The following SNTG1 variants were observed in gnomAD, a reference collection of about 807,000 sequenced individuals.
SNTG1 encodes gamma-1-syntrophin.
A neutral mutation model predicts 74.7 loss-of-function variants in SNTG1; 39 were observed. The ratio of observed to expected loss-of-function variants is 0.52; its 90% CI spans 0.40 to 0.68. The LOEUF (loss-of-function observed/expected upper bound fraction) is 0.68, where lower values mean the gene tolerates loss of function less well. Ranked by LOEUF, SNTG1 falls within the 30% of genes least tolerant of loss-of-function variation. SNTG1 has a pLI of 0.00. For synonymous variants in SNTG1, 254 were observed against 217.1 expected (o/e 1.17, Z -1.49); for missense variants, 685 against 609.5 (o/e 1.12, Z -1.30).
chr8:50,517,755 A>G (rs1424293341), intron 9 of SNTG1, among the ~76,000 whole-genome samples: 3 of 152,222 alleles, frequency 2.0e-5, no homozygotes, highest in African/African-American at 7.2e-5. Flanking sequence ...AGAAGAGCTA[A>G]CTATCCTAAA....
intron 1 of SNTG1, among the ~76,000 whole-genome samples, chr8:50,151,380 T>G (rs151019325): frequency 1.2e-4 from 19 of 152,316 alleles, no homozygotes; most frequent in African/African-American, 4.3e-4. Flanking sequence ...TTTCACTGAT[T>G]TTTTTAAAGG....
At chr8:50,482,328 A>C (rs2093747554) in intron 8 of SNTG1, among the ~76,000 whole-genome samples, 1 of 152,202 alleles carries the variant, frequency 6.6e-6, no homozygotes, top group Non-Finnish European at 1.5e-5. Flanking sequence ...GGGACTTCAA[A>C]GGCATGTGGG....
At chr8:50,433,224 A>G (rs929747533) in intron 4 of SNTG1, among the ~76,000 whole-genome samples, 6 of 152,246 alleles carry the variant, frequency 3.9e-5, no homozygotes, top group African/African-American at 1.2e-4. Context: ...TGAACTTGCT[A>G]TAATTACTTA....
intron 1 of SNTG1, among the ~76,000 whole-genome samples, chr8:50,102,863 T>G (rs1337552757): frequency 6.7e-6 from 1 of 148,174 alleles, no homozygotes; most frequent in Non-Finnish European, 1.5e-5. Context: ...AAAGATCAGA[T>G]AGTTGTAGAT....
intron 1 of SNTG1, among the ~76,000 whole-genome samples, chr8:50,100,703 A>G (rs1051226975): frequency 6.6e-6 from 1 of 152,158 alleles, no homozygotes; most frequent in Non-Finnish European, 1.5e-5. Flanking sequence ...TTCTTCATAA[A>G]CAGTACTTGG....
intron 2 of SNTG1, among the ~76,000 whole-genome samples, chr8:50,261,077 T>G (rs2087168418): frequency 6.6e-6 from 1 of 152,064 alleles, no homozygotes; most frequent in Non-Finnish European, 1.5e-5. Context: ...CACAATACAT[T>G]GCAAAAGAAC....
chr8:50,329,752 G>A (rs768604059), intron 2 of SNTG1, among the ~76,000 whole-genome samples: 2 of 151,958 alleles, frequency 1.3e-5, no homozygotes, highest in Non-Finnish European at 2.9e-5. Context: ...TTAGTGATTA[G>A]CATATGGCTC....
chr8:50,749,352 G>A (rs2095562067), intron 17 of SNTG1, among the ~76,000 whole-genome samples: 2 of 152,024 alleles, frequency 1.3e-5, no homozygotes, highest in Admixed American at 1.3e-4. Flanking sequence ...GGTTTAAGGA[G>A]AGAAGCCATC....
intron 1 of SNTG1, among the ~76,000 whole-genome samples, chr8:50,137,970 T>C (rs191327769): frequency 6.6e-6 from 1 of 152,304 alleles, no homozygotes; most frequent in Admixed American, 6.5e-5. Context: ...CTGAGTCCAA[T>C]TCTTCAGCCT....
chr8:50,589,132 C>T (rs934627190), intron 12 of SNTG1, among the ~76,000 whole-genome samples: 9 of 151,968 alleles, frequency 5.9e-5, no homozygotes, highest in Non-Finnish European at 1.3e-4. Context: ...GGAAATACAC[C>T]ATACATTTTA....
rs28795742 is a variant in SNTG1 at position 50,205,338 on chromosome 8, T to C, written c.-28+32703T>C. ...ATGGCCAATGATGATGAACATTTTT[T>C]CATGTGTCTGTTGGCTGCACAAAAT... On this transcript the variant is annotated intron_variant, in intron 2 of 18. Coordinates refer to ENST00000642720, the MANE Select transcript of SNTG1 (RefSeq NM_018967.5). Among the ~76,000 whole-genome samples the C allele has an allele frequency of 5.5e-3, 833 of 152,354 alleles. 7 individuals carry two copies. The highest frequency in any genetic ancestry group is 0.019 in the African/African-American group (774 of 41,582).
intron 12 of SNTG1, among the ~76,000 whole-genome samples, chr8:50,569,299 A>G (rs533159507): frequency 6.6e-6 from 1 of 152,236 alleles, no homozygotes; most frequent in South Asian, 2.1e-4. Context: ...GCCCTTCAGG[A>G]TTCACAGACA....
At chr8:50,447,458 AT>A (rs1391560845) in intron 5 of SNTG1, among the ~76,000 whole-genome samples, 1 of 152,180 alleles carries the variant, frequency 6.6e-6, no homozygotes, top group Non-Finnish European at 1.5e-5. Context: ...TCAGTTAATG[AT>A]TCATTTGAGT....
At chr8:49,990,092 G>A (rs1813536090) in intron 1 of SNTG1, among the ~76,000 whole-genome samples, 1 of 151,778 alleles carries the variant, frequency 6.6e-6, no homozygotes, top group Non-Finnish European at 1.5e-5. Context: ...AGAAGTTCTA[G>A]CAAGGGTAAT....
At chr8:50,440,188 C>A (rs900166693) in intron 5 of SNTG1, among the ~76,000 whole-genome samples, 1 of 151,710 alleles carries the variant, frequency 6.6e-6, no homozygotes, top group Admixed American at 6.6e-5. Flanking sequence ...TGATCAATAT[C>A]TTATATTAGA....
intron 1 of SNTG1, among the ~76,000 whole-genome samples, chr8:50,092,563 C>A (rs886177525): frequency 2.6e-5 from 4 of 152,130 alleles, no homozygotes; most frequent in African/African-American, 7.2e-5. Flanking sequence ...CCTTGCTGAA[C>A]TTTCTTCAGC....
At chr8:49,991,789 G>A (rs1813715605) in intron 1 of SNTG1, among the ~76,000 whole-genome samples, 1 of 152,158 alleles carries the variant, frequency 6.6e-6, no homozygotes, top group Non-Finnish European at 1.5e-5. Flanking sequence ...GTTCGTGGTT[G>A]CCAGCATATG....
chr8:50,092,510 G>C (rs140036507), intron 1 of SNTG1, among the ~76,000 whole-genome samples: 118 of 152,268 alleles, frequency 7.7e-4, no homozygotes, highest in Non-Finnish European at 1.2e-3. Context: ...ACTTGGGTGG[G>C]ATTTGGCGCA....
At chr8:50,096,265 T>G (rs2079924275) in intron 1 of SNTG1, among the ~76,000 whole-genome samples, 2 of 151,958 alleles carry the variant, frequency 1.3e-5, no homozygotes, top group Non-Finnish European at 2.9e-5. Context: ...AGATAAACAA[T>G]AACGTAATAC....
Sources: gnomAD v4.1 joint callset for allele counts (sites outside exome capture counted in the v4.1 genomes callset) on GRCh38, gnomAD v4.1.1 for gene constraint, MANE v1.5 for transcripts, NCBI Gene and HGNC (gene_info 2026-07-23, HGNC 2026-07-21) for gene names.